LRFN2: variants seen among roughly 807,000 people sequenced by gnomAD.
LRFN2 encodes the protein leucine-rich repeat and fibronectin type-III domain-containing protein 2.
In LRFN2, 18 loss-of-function variants were observed where a neutral mutation model predicts 37.3. The ratio of observed to expected loss-of-function variants is 0.48; its 90% confidence interval spans 0.33 to 0.72. The LOEUF (loss-of-function observed/expected upper bound fraction) is 0.72. LRFN2 is among the 30% of genes least tolerant of loss of function. The pLI is 0.02. For synonymous variants in LRFN2, 556 were observed against 466.6 expected, an observed-to-expected ratio of 1.19 and a Z score of -2.47; for missense variants, 1,006 against 1,060.7, an observed-to-expected ratio of 0.95 and a Z score of 0.72.
chr6:40,493,578 C>A (rs761912045), intron 1 of LRFN2, among the ~76,000 whole-genome samples: 1 of 152,180 alleles, frequency 6.6e-6, no homozygotes, highest in Non-Finnish European at 1.5e-5. Context: ...CAAATGGGAC[C>A]CATAAATAGC....
At chr6:40,408,951 A>G (rs532164350) in intron 2 of LRFN2, among the ~76,000 whole-genome samples, 1 of 152,348 alleles carries the variant, frequency 6.6e-6, no homozygotes, top group Non-Finnish European at 1.5e-5. Flanking sequence ...TTGGTCTGAT[A>G]AGGGCCTTCT....
intron 1 of LRFN2, among the ~76,000 whole-genome samples, chr6:40,546,699 A>C (rs931139284): frequency 3.3e-5 from 5 of 152,058 alleles, no homozygotes; most frequent in African/African-American, 9.7e-5. Context: ...CTGAGTATTG[A>C]CTCTTCCAGG....
At chr6:40,536,398 G>T (rs1199951727) in intron 1 of LRFN2, among the ~76,000 whole-genome samples, 1 of 152,154 alleles carries the variant, frequency 6.6e-6, no homozygotes, top group Non-Finnish European at 1.5e-5. Context: ...TCCTGGAACC[G>T]AACCCAGAAC....
At chr6:40,396,912 C>T (rs972935656) in intron 2 of LRFN2, among the ~76,000 whole-genome samples, 2 of 152,132 alleles carry the variant, frequency 1.3e-5, no homozygotes, top group African/African-American at 4.8e-5. Context: ...AGTTTACACG[C>T]ATTATCTCAT....
At position 40,548,714 on chromosome 6, in the gene LRFN2, C is replaced by A. The variant is rs183564572; in HGVS notation, c.-19+38227G>T. Among the ~76,000 whole-genome samples, 420 of 152,296 alleles carry A rather than the reference C, an allele frequency of 2.8e-3. 4 individuals are homozygous for A. Among genetic ancestry groups the A allele is most frequent in the African/African-American group, 9.4e-3 (389 of 41,564 alleles). Reference sequence around the variant, plus strand: ...CTAAACAGGTCCTATCAGAGTGAAGCTCAGAATTCCTTCCAAGACTGTTGG... The same window carrying A: ...CTAAACAGGTCCTATCAGAGTGAAGATCAGAATTCCTTCCAAGACTGTTGG... On this transcript the variant is annotated intron_variant, in intron 1 of 2. Transcript: ENST00000338305.
intron 2 of LRFN2, among the ~76,000 whole-genome samples, chr6:40,423,037 G>T (rs1763266001): frequency 6.6e-6 from 1 of 152,192 alleles, no homozygotes; most frequent in Non-Finnish European, 1.5e-5. Context: ...AATCCCAGTG[G>T]TGTCACCTTC....
chr6:40,459,220 T>G (rs1212359361), intron 1 of LRFN2, among the ~76,000 whole-genome samples: 2 of 152,190 alleles, frequency 1.3e-5, no homozygotes, highest in Non-Finnish European at 2.9e-5. Flanking sequence ...TGTCTCATTC[T>G]CATTTCCCCC....
chr6:40,515,525 C>T (rs1410840754), intron 1 of LRFN2, among the ~76,000 whole-genome samples: 1 of 152,158 alleles, frequency 6.6e-6, no homozygotes, highest in African/African-American at 2.4e-5. Context: ...GCTTCTGTCA[C>T]ATCAAAGCCA....
At chr6:40,543,545 C>T (rs539276283) in intron 1 of LRFN2, among the ~76,000 whole-genome samples, 2 of 152,344 alleles carry the variant, frequency 1.3e-5, no homozygotes, top group African/African-American at 4.8e-5. Context: ...TGTGGGAAAA[C>T]AAGCCTGTGA....
rs560072410 is a variant in LRFN2, at chr6:40,469,597, C to T, written c.-18-36466G>A. On this transcript the variant is annotated intron_variant, in intron 1 of 2. Transcript: ENST00000338305. ...TCTCCATTGCATTTCTCAGGCTCTC[C>T]TTCCCTCTGGCTCTTGGGTTTGGTC... is the stretch of plus-strand genomic sequence containing the variant. Among the ~76,000 whole-genome samples, 5 of 152,272 alleles carry T rather than the reference C, an allele frequency of 3.3e-5. No homozygotes were observed. In the East Asian group the frequency reaches 9.7e-4, roughly 29 times the overall value.
Position 40,432,951 on chromosome 6 carries a change from C to T in LRFN2, c.163G>A (p.Val55Met), listed in dbSNP as rs557320666. 1.2e-6 allele frequency: 2 copies of T among 1,613,744 alleles called. No individual in the cohort carries two copies. The highest frequency in any genetic ancestry group is 2.7e-5 in the African/African-American group (2 of 75,068). The stretch of plus-strand genomic sequence containing the variant: ...AAGTTGCCGCCCAGGCGCAGCTCCA[C>T]TGTCCGCCGGTCAATATCAGGGGGT... Reference protein sequence around the residue: ...FVPPDIDRRTVELRLGGNFII... With the variant: ...FVPPDIDRRTMELRLGGNFII... Residue 55 changes from valine to methionine, a missense_variant, in exon 2 of 3, where the codon GTG becomes ATG. Around this residue, in one of 4 missense-constraint regions of LRFN2, gnomAD observed 185 missense variants for 254.9 expected, o/e 0.73. Transcript: ENST00000338305.
rs1275725308 is a variant in LRFN2 at position 40,432,108 on chromosome 6, T to C, written c.1006A>G (p.Thr336Ala). ...AGGGTGCCATTGTCATAGACAGCGG[T>C]CCTTGAGGAGTTCCCTACCAGGCGG... is the stretch of plus-strand genomic sequence containing the variant. ...DDRLVGNSSRTAVYDNGTLDI... is the reference protein window; with the variant it reads ...DDRLVGNSSRAAVYDNGTLDI... Residue 336 changes from threonine to alanine, a missense_variant, in exon 2 of 3, where the codon ACC (threonine) becomes GCC (alanine). Physicochemically the swap from Thr to Ala is moderately conservative, Grantham distance 58. Transcript: ENST00000338305. The C allele has an allele frequency of 6.2e-7, 1 of 1,613,848 alleles. No homozygotes were observed. The highest frequency in any genetic ancestry group is 8.5e-7 in the Non-Finnish European group (1 of 1,179,940).
At chr6:40,439,469 G>GGGTGGA (rs1333338239) in intron 1 of LRFN2, among the ~76,000 whole-genome samples, 2 of 152,226 alleles carry the variant, frequency 1.3e-5, no homozygotes, top group Admixed American at 1.3e-4. Flanking sequence ...GGTGGGGAAA[G>GGGTGGA]GAAACTTGAG....
intron 1 of LRFN2, among the ~76,000 whole-genome samples, chr6:40,565,755 C>T (rs1368583736): frequency 2.0e-5 from 3 of 151,612 alleles, no homozygotes; most frequent in African/African-American, 4.9e-5. Flanking sequence ...TAAAGACTTA[C>T]ATGTTAGACC....
intron 1 of LRFN2, among the ~76,000 whole-genome samples, chr6:40,556,716 GAC>G (rs35308131): frequency 0.025 from 3,009 of 120,594 alleles, 38 homozygotes; most frequent in South Asian, 0.032. Context: ...TACCTACATA[GAC>G]ACACACACAC....
At chr6:40,415,312 A>G (rs560684894) in intron 2 of LRFN2, among the ~76,000 whole-genome samples, 3 of 151,674 alleles carry the variant, frequency 2.0e-5, no homozygotes, top group African/African-American at 7.3e-5. Flanking sequence ...TGCAACCTCC[A>G]CCTCCTGGGT....
intron 1 of LRFN2, among the ~76,000 whole-genome samples, chr6:40,515,611 G>A (rs966790771): frequency 6.6e-6 from 1 of 152,188 alleles, no homozygotes. Context: ...AATTCCGGCT[G>A]GGCGCGGTGG....
At chr6:40,561,418 A>G (rs2113929994) in intron 1 of LRFN2, among the ~76,000 whole-genome samples, 1 of 152,272 alleles carries the variant, frequency 6.6e-6, no homozygotes, top group East Asian at 1.9e-4. Flanking sequence ...TGATCTGGGA[A>G]TAGAATCCAT....
At chr6:40,524,545 A>G (rs1339045131) in intron 1 of LRFN2, among the ~76,000 whole-genome samples, 2 of 151,938 alleles carry the variant, frequency 1.3e-5, no homozygotes, top group East Asian at 3.9e-4. Flanking sequence ...TACCTTTTCC[A>G]TCTTTCTTGG....
Sources: allele counts gnomAD v4.1 joint callset (sites outside exome capture counted in the v4.1 genomes callset), GRCh38; gene constraint gnomAD v4.1.1; regional missense constraint gnomAD v4.1.1; transcripts MANE v1.5; gene names NCBI Gene and HGNC (gene_info 2026-07-23, HGNC 2026-07-21).